Variants in CLASP1 observed in about 807,000 individuals in gnomAD.
CLASP1 encodes the protein cytoplasmic linker associated protein 1, also known as CLIP-associating protein 1.
A neutral mutation model predicts 192.3 loss-of-function variants in CLASP1; 38 were observed. That is an observed-to-expected ratio of 0.20 (90% CI 0.15 to 0.26). The LOEUF (loss-of-function observed/expected upper bound fraction) is 0.26. Ranked by LOEUF, CLASP1 falls within the 10% of genes least tolerant of loss-of-function variation. The pLI, the probability that CLASP1 is intolerant of heterozygous loss-of-function variation, is 1.00. For synonymous variants in CLASP1, 691 were observed against 712.8 expected, an observed-to-expected ratio of 0.97 and a Z score of 0.49; for missense variants, 1,433 against 1,932.5, an observed-to-expected ratio of 0.74 and a Z score of 4.85.
chr2:121,516,449 G>C (rs1374060219), intron 6 of CLASP1, among the ~76,000 whole-genome samples: 1 of 152,236 alleles, frequency 6.6e-6, no homozygotes, highest in Non-Finnish European at 1.5e-5. Context: ...GACACAGCCT[G>C]TGCAAAGGCA....
intron 39 of CLASP1, among the ~76,000 whole-genome samples, chr2:121,341,967 A>G (rs2062830062): frequency 2.0e-5 from 3 of 152,224 alleles, no homozygotes; most frequent in Non-Finnish European, 4.4e-5. Context: ...AAGATACCAA[A>G]GCATCTTCTC....
intron 2 of CLASP1, among the ~76,000 whole-genome samples, chr2:121,546,994 A>G (rs575609130): frequency 6.6e-6 from 1 of 152,310 alleles, no homozygotes; most frequent in Non-Finnish European, 1.5e-5. Flanking sequence ...AGGGAGGGGC[A>G]GGCCACTATC....
intron 7 of CLASP1, among the ~76,000 whole-genome samples, chr2:121,503,609 T>C (rs1035506924): frequency 2.0e-5 from 3 of 152,218 alleles, no homozygotes; most frequent in African/African-American, 7.2e-5. Context: ...CTTTCTTTCT[T>C]AGCGCAGACT....
At chr2:121,450,347 T>C (rs1302975125) in intron 16 of CLASP1, among the ~76,000 whole-genome samples, 1 of 151,750 alleles carries the variant, frequency 6.6e-6, no homozygotes, top group Non-Finnish European at 1.5e-5. Context: ...AAAAAAAAAT[T>C]TCCAAGGAGG....
intron 36 of CLASP1, 96 bp downstream of exon 37, chr2:121,364,998 C>T: frequency 5.2e-6 from 6 of 1,151,960 alleles, no homozygotes; most frequent in East Asian, 2.4e-5. Flanking sequence ...GTAAGCACAA[C>T]CCAGAAAGTA....
At chr2:121,557,146 G>A (rs1430353865) in intron 2 of CLASP1, among the ~76,000 whole-genome samples, 1 of 152,226 alleles carries the variant, frequency 6.6e-6, no homozygotes, top group Non-Finnish European at 1.5e-5. Flanking sequence ...CCCTGCCCTA[G>A]GTTTCTACTG....
intron 1 of CLASP1, among the ~76,000 whole-genome samples, chr2:121,631,518 C>T (rs57087735): frequency 6.6e-6 from 1 of 151,990 alleles, no homozygotes; most frequent in Non-Finnish European, 1.5e-5. Context: ...GATCTCTTGA[C>T]CTCGTGATCT....
At chr2:121,535,838 C>G (rs1016285462) in intron 2 of CLASP1, among the ~76,000 whole-genome samples, 2 of 151,654 alleles carry the variant, frequency 1.3e-5, no homozygotes, top group South Asian at 4.2e-4. Flanking sequence ...ATTTTTTGAG[C>G]TTTTGTAGAG....
At chr2:121,565,937 G>A (rs922537998) in intron 2 of CLASP1, among the ~76,000 whole-genome samples, 2 of 152,172 alleles carry the variant, frequency 1.3e-5, no homozygotes, top group African/African-American at 4.8e-5. Context: ...TTTCCGAAGA[G>A]AAAACACCCA....
At chr2:121,409,644 A>C (rs1485210753) in intron 24 of CLASP1, among the ~76,000 whole-genome samples, 2 of 152,182 alleles carry the variant, frequency 1.3e-5, no homozygotes, top group Non-Finnish European at 2.9e-5. Flanking sequence ...TGGAAGTCTC[A>C]ACTAAGGGTT....
At chr2:121,465,433 T>G (rs535667510) in intron 9 of CLASP1, among the ~76,000 whole-genome samples, 42 of 152,120 alleles carry the variant, frequency 2.8e-4, no homozygotes, top group South Asian at 6.2e-4. Flanking sequence ...GCTTCAAAGA[T>G]AATAAAATAC....
At chr2:121,562,743 T>A (rs192111612) in intron 2 of CLASP1, among the ~76,000 whole-genome samples, 169 of 152,310 alleles carry the variant, frequency 1.1e-3, no homozygotes, top group Admixed American at 2.0e-3. Context: ...TTATTATTGT[T>A]CAGGTTTTGT....
chr2:121,524,809 G>C (rs1169185551), intron 6 of CLASP1, among the ~76,000 whole-genome samples: 1 of 152,212 alleles, frequency 6.6e-6, no homozygotes, highest in Non-Finnish European at 1.5e-5. Context: ...AGTGGAAGAA[G>C]AAAGCAGGGA....
intron 1 of CLASP1, among the ~76,000 whole-genome samples, chr2:121,610,933 T>G (rs1454843020): frequency 9.1e-3 from 420 of 46,376 alleles, no homozygotes; most frequent in African/African-American, 0.011. Flanking sequence ...GGAGGAGGAG[T>G]TACAGGAGGA....
At chr2:121,535,056 T>C (rs920769932) in intron 2 of CLASP1, among the ~76,000 whole-genome samples, 3 of 152,136 alleles carry the variant, frequency 2.0e-5, no homozygotes, top group African/African-American at 7.2e-5. Context: ...GGCAGGCGGA[T>C]TGCCTTAGCT....
intron 37 of CLASP1, 21 bp from the exon 39 acceptor site, chr2:121,348,739 A>C: frequency 6.4e-7 from 1 of 1,566,296 alleles, no homozygotes; most frequent in Non-Finnish European, 8.7e-7. Context: ...CAGTTCCCCC[A>C]AAGAGTGAGC....
At position 121,416,983 on chromosome 2, in the gene CLASP1, G is replaced by GA. The variant is rs568919446; in HGVS notation, c.2320+1638dup. Reference sequence around the variant, plus strand: ...AGGGTTAGGTTTAACCCAAGGTGGGGAAAAGCATGATACAAAAATTTTAGC... The same window carrying GA: ...AGGGTTAGGTTTAACCCAAGGTGGGGAAAAAGCATGATACAAAAATTTTAGC... On this transcript the variant is annotated intron_variant, in intron 23 of 39. Coordinates refer to ENST00000263710, the Ensembl canonical transcript of CLASP1. Among the ~76,000 whole-genome samples, 216 of 152,302 alleles carry GA rather than the reference G, an allele frequency of 1.4e-3. 1 individual carries two copies. Among genetic ancestry groups the GA allele is most frequent in the African/African-American group, 4.6e-3 (193 of 41,568 alleles).
chr2:121,630,381 A>AACACAC (rs60827939), intron 1 of CLASP1, among the ~76,000 whole-genome samples: 4,901 of 139,012 alleles, frequency 0.035, 212 homozygotes, highest in African/African-American at 0.097. Flanking sequence ...ATTGGAAAGA[A>AACACAC]ACACACACAC....
chr2:121,375,361 ATTTTTTTT>A (rs34714381), intron 34 of CLASP1, among the ~76,000 whole-genome samples: 3 of 116,986 alleles, frequency 2.6e-5, no homozygotes, highest in Non-Finnish European at 5.3e-5. Flanking sequence ...CTAGTTTCTG[ATTTTTTTT>A]TTTTTTTTTT....
Sources: allele counts gnomAD v4.1 joint callset (sites outside exome capture counted in the v4.1 genomes callset), GRCh38; gene constraint gnomAD v4.1.1; transcripts MANE v1.5; gene names NCBI Gene and HGNC (gene_info 2026-07-23, HGNC 2026-07-21).